Variants in LRRTM4 observed in about 807,000 individuals in gnomAD.
The protein encoded by LRRTM4 is leucine rich repeat transmembrane neuronal 4.
In LRRTM4, 25 loss-of-function variants were observed where a neutral mutation model predicts 47.6. The observed-to-expected ratio is 0.53, with a 90% CI of 0.38 to 0.73. The LOEUF (loss-of-function observed/expected upper bound fraction) is 0.73. Ranked by LOEUF, LRRTM4 falls within the 30% of genes least tolerant of loss-of-function variation. The pLI is 0.00. For missense variants in LRRTM4, 638 were observed against 713.4 expected (o/e 0.89, Z 1.20); for synonymous variants, 311 against 269.5 (o/e 1.15, Z -1.51).
chr2:77,220,790 T>G (rs1376589678), intron 3 of LRRTM4, among the ~76,000 whole-genome samples: 11 of 152,322 alleles, frequency 7.2e-5, no homozygotes, highest in Non-Finnish European at 1.6e-4. Context: ...TGCAGGATAT[T>G]ATCCAAGAGA....
chr2:76,874,472 CTG>C (rs1672723845), intron 3 of LRRTM4, among the ~76,000 whole-genome samples: 1 of 151,900 alleles, frequency 6.6e-6, no homozygotes, highest in African/African-American at 2.4e-5. Context: ...AATTGAATAA[CTG>C]GGGTGAATGA....
intron 3 of LRRTM4, among the ~76,000 whole-genome samples, chr2:77,295,204 T>C (rs554989711): frequency 3.3e-5 from 5 of 152,252 alleles, no homozygotes; most frequent in Non-Finnish European, 7.4e-5. Context: ...TAATTTCTTT[T>C]ATTTTACTTA....
At chr2:77,156,085 A>G (rs972755467) in intron 3 of LRRTM4, among the ~76,000 whole-genome samples, 2 of 152,076 alleles carry the variant, frequency 1.3e-5, no homozygotes, top group African/African-American at 2.4e-5. Flanking sequence ...AGACTCCCTC[A>G]CTAGTAAATA....
chr2:77,090,457 T>G (rs1670575899), intron 3 of LRRTM4, among the ~76,000 whole-genome samples: 1 of 152,164 alleles, frequency 6.6e-6, no homozygotes, highest in Admixed American at 6.5e-5. Context: ...AAAAATTAAA[T>G]TCTGGCCCTC....
At chr2:76,784,068 TA>T (rs1674540367) in intron 3 of LRRTM4, among the ~76,000 whole-genome samples, 1 of 152,166 alleles carries the variant, frequency 6.6e-6, no homozygotes, top group African/African-American at 2.4e-5. Context: ...AAATTATTTT[TA>T]AATGTTGTAT....
At chr2:77,125,007 T>C (rs1302924464) in intron 3 of LRRTM4, among the ~76,000 whole-genome samples, 1 of 152,226 alleles carries the variant, frequency 6.6e-6, no homozygotes, top group Non-Finnish European at 1.5e-5. Flanking sequence ...CAGTTGCTTC[T>C]TTCTCTATTT....
At chr2:76,875,224 A>G (rs1553423568) in intron 3 of LRRTM4, among the ~76,000 whole-genome samples, 1 of 152,146 alleles carries the variant, frequency 6.6e-6, no homozygotes, top group Non-Finnish European at 1.5e-5. Flanking sequence ...TAAGATAAAT[A>G]ATCATTTCTG....
chr2:76,959,133 T>G lies in LRRTM4; in HGVS notation c.1552-210217A>C, dbSNP rs1388710473. 3.3e-5 allele frequency among the ~76,000 whole-genome samples: 5 copies of G among 151,884 alleles called. No homozygotes were observed. The East Asian group carries it at 9.7e-4, about 30-fold the overall frequency. Reference sequence around the variant, plus strand: ...GCTGGTTATGATTTCTGTTACTTAGTGCTGAAATTTTAAATTTAATGTCTT... The same window carrying G: ...GCTGGTTATGATTTCTGTTACTTAGGGCTGAAATTTTAAATTTAATGTCTT... On this transcript the variant is annotated intron_variant, in intron 3 of 3. Coordinates refer to ENST00000409884, the MANE Select transcript of LRRTM4 (RefSeq NM_001134745.3).
At chr2:77,340,992 T>A (rs1026264049) in intron 3 of LRRTM4, among the ~76,000 whole-genome samples, 2 of 151,878 alleles carry the variant, frequency 1.3e-5, no homozygotes, top group African/African-American at 2.4e-5. Flanking sequence ...CAATTCCAAT[T>A]TTTAGATGTT....
At chr2:77,302,774 CTG>C (rs1157747065) in intron 3 of LRRTM4, among the ~76,000 whole-genome samples, 1 of 152,076 alleles carries the variant, frequency 6.6e-6, no homozygotes, top group African/African-American at 2.4e-5. Flanking sequence ...CTTCCTGAGA[CTG>C]TGGAATGAGG....
intron 3 of LRRTM4, among the ~76,000 whole-genome samples, chr2:76,885,947 T>A (rs1304570119): frequency 6.6e-6 from 1 of 152,074 alleles, no homozygotes; most frequent in African/African-American, 2.4e-5. Context: ...CTTGGAAGAA[T>A]AAATCTGACA....
chr2:77,288,750 A>G (rs1389328687), intron 3 of LRRTM4, among the ~76,000 whole-genome samples: 1 of 151,898 alleles, frequency 6.6e-6, no homozygotes, highest in Non-Finnish European at 1.5e-5. Context: ...AATAAATACT[A>G]TGATATGTTC....
chr2:76,984,701 G>T (rs1676733338), intron 3 of LRRTM4, among the ~76,000 whole-genome samples: 1 of 152,010 alleles, frequency 6.6e-6, no homozygotes, highest in Non-Finnish European at 1.5e-5. Flanking sequence ...CTGGAGATAT[G>T]ATGGAGCCAG....
intron 3 of LRRTM4, among the ~76,000 whole-genome samples, chr2:77,222,218 G>A (rs1674657383): frequency 6.6e-6 from 1 of 152,088 alleles, no homozygotes; most frequent in Admixed American, 6.6e-5. Flanking sequence ...TATGTAGAGG[G>A]AAATTTATAG....
chr2:77,216,460 A>G (rs781529231), intron 3 of LRRTM4, among the ~76,000 whole-genome samples: 4 of 151,812 alleles, frequency 2.6e-5, no homozygotes, highest in Non-Finnish European at 5.9e-5. Context: ...AGGTCAAGAG[A>G]TCAAGACCAT....
chr2:76,902,493 G>T (rs553241114), intron 3 of LRRTM4, among the ~76,000 whole-genome samples: 2 of 152,178 alleles, frequency 1.3e-5, no homozygotes, highest in African/African-American at 4.8e-5. Context: ...AAAAGAACGT[G>T]AGCCATGTGG....
chr2:77,207,372 T>TATATACACACACAC (rs59335400), intron 3 of LRRTM4, among the ~76,000 whole-genome samples: 18 of 131,110 alleles, frequency 1.4e-4, no homozygotes, highest in African/African-American at 3.9e-4. Context: ...TATATATATA[T>TATATACACACACAC]ACACACACAC....
intron 3 of LRRTM4, among the ~76,000 whole-genome samples, chr2:77,492,608 T>C (rs1573489393): frequency 2.6e-5 from 4 of 152,240 alleles, no homozygotes; most frequent in Admixed American, 2.6e-4. Flanking sequence ...CACAAATTCC[T>C]GCAACTTTAT....
At chr2:76,994,629 C>T (rs1232136715) in intron 3 of LRRTM4, among the ~76,000 whole-genome samples, 1 of 151,790 alleles carries the variant, frequency 6.6e-6, no homozygotes, top group Non-Finnish European at 1.5e-5. Context: ...TTGACATAGT[C>T]TAACTATAAG....
Sources: allele counts gnomAD v4.1 joint callset (sites outside exome capture counted in the v4.1 genomes callset), GRCh38; gene constraint gnomAD v4.1.1; transcripts MANE v1.5; gene names NCBI Gene and HGNC (gene_info 2026-07-23, HGNC 2026-07-21).